RGL2: variants seen among roughly 807,000 people sequenced by gnomAD.
The protein encoded by RGL2 is ral guanine nucleotide dissociation stimulator-like 2.
In RGL2, 40 loss-of-function variants were observed where a neutral mutation model predicts 84.6. The ratio of observed to expected loss-of-function variants is 0.47; its 90% CI spans 0.37 to 0.62. RGL2 has a LOEUF of 0.62. Among genes scored for constraint, RGL2 ranks in the 20% least tolerant of loss-of-function variants. The probability of loss-of-function intolerance (pLI) is 0.00; values close to 1 mark genes in which losing one functional copy is unlikely to be tolerated. For missense variants in RGL2, 865 were observed against 1,019.7 expected (o/e 0.85, Z 2.07); for synonymous variants, 369 against 417.3 (o/e 0.88, Z 1.41).
Position 33,295,274 on chromosome 6 carries a change from C to A in RGL2, c.1124+45G>T. The A allele has an allele frequency of 2.6e-6, 4 of 1,561,936 alleles. No individual in the cohort carries two copies. Among genetic ancestry groups the A allele is most frequent in the Non-Finnish European group, 3.5e-6 (4 of 1,152,402 alleles). ...GGCTCTGTCACCCCCTCTTCCCCGC[C>A]TTCTGAGGAACCCCCACCCCAGTCC... is the stretch of plus-strand genomic sequence containing the variant. On this transcript the variant is annotated intron_variant, in intron 8 of 17. Transcript: ENST00000497454. The surrounding 1 kb of genome is among the most constrained non-coding windows in gnomAD (Gnocchi z 7.2).
Position 33,296,211 on chromosome 6 carries a change from T to C in RGL2, c.585A>G (p.Ala195=), listed in dbSNP as rs764757633. The change falls in exon 6 of 18, where the codon GCA becomes GCG. Residue 195 remains alanine (A), a synonymous_variant. Transcript: ENST00000497454. This position sits in a 1 kb window ranked among gnomAD's most constrained non-coding sequence, Gnocchi z 5.0. ...LESFLLQTGY[A]AGKGVGGGSA... ...TGCCCCCCCCAACACCCTTCCCTGCTGCATACCCTGTCTGAAGTAAGAAGC... is the reference window on the plus strand; with the variant it reads ...TGCCCCCCCCAACACCCTTCCCTGCCGCATACCCTGTCTGAAGTAAGAAGC... 3 of 1,613,936 alleles carry C rather than the reference T, an allele frequency of 1.9e-6. No individual in the cohort carries two copies. Among genetic ancestry groups the C allele is most frequent in the Admixed American group, 3.3e-5 (2 of 60,028 alleles).
At position 33,296,433 on chromosome 6, in the gene RGL2, C is replaced by T. The variant is rs1767965289; in HGVS notation, c.451G>A (p.Glu151Lys). Residue 151 changes from glutamate to lysine, a missense_variant, in exon 5 of 18, where the codon GAA becomes AAA. Glu to Lys is a moderately conservative substitution (Grantham distance 56). Around this residue, in one of 5 missense-constraint regions of RGL2, gnomAD observed 455 missense variants for 507.8 expected, o/e 0.90. Transcript: ENST00000497454. This position sits in a 1 kb window ranked among gnomAD's most constrained non-coding sequence, Gnocchi z 5.0. The part of the protein sequence containing the change: ...LEALESHPTD[E>K]LERTTEVAIS... ...ACTCACTCTGTTGTCCTCTCTAGTTCGTCGGTAGGATGAGATTCAAGGGCT... is the reference window on the plus strand; with the variant it reads ...ACTCACTCTGTTGTCCTCTCTAGTTTGTCGGTAGGATGAGATTCAAGGGCT... 3.1e-6 allele frequency: 5 copies of T among 1,611,042 alleles called. No individual in the cohort carries two copies. Among genetic ancestry groups the T allele is most frequent in the East Asian group, 2.2e-5 (1 of 44,882 alleles).
rs767142223 is a variant in RGL2, at chr6:33,295,999, G to T, written c.768+29C>A. 14 of 1,612,772 alleles carry T rather than the reference G, an allele frequency of 8.7e-6. No homozygotes were observed. Among genetic ancestry groups the T allele is most frequent in the Non-Finnish European group, 1.2e-5 (14 of 1,179,440 alleles). On this transcript the variant is annotated intron_variant, in intron 6 of 17. Transcript: ENST00000497454. This position sits in a 1 kb window ranked among gnomAD's most constrained non-coding sequence, Gnocchi z 7.2. ...AGGAGAGGTTAGTAAGGGGTCAGGGGGCATAGGGGCCAGAGGTCAGGGTCT... is the reference window on the plus strand; with the variant it reads ...AGGAGAGGTTAGTAAGGGGTCAGGGTGCATAGGGGCCAGAGGTCAGGGTCT...
Position 33,294,117 on chromosome 6 carries a change from A to G in RGL2, c.1354-51T>C, listed in dbSNP as rs1175323310. On this transcript the variant is annotated intron_variant, in intron 11 of 17. Coordinates refer to ENST00000497454, the MANE Select transcript of RGL2 (RefSeq NM_004761.5). This position sits in a 1 kb window ranked among gnomAD's most constrained non-coding sequence, Gnocchi z 5.0. ...AAAGTTCCAACCCTACCTTCCGGCC[A>G]CAGAGAGAGAATATCCCCTCTCTTA... is the stretch of plus-strand genomic sequence containing the variant. The G allele has an allele frequency of 3.2e-6, 5 of 1,583,268 alleles. No individual in the cohort carries two copies. In the South Asian group the frequency reaches 5.8e-5, roughly 18 times the overall value.
chr6:33,292,488 ATTGT>A lies in RGL2; in HGVS notation c.2060_2063del (p.Asn687IlefsTer22). On this transcript the variant is annotated frameshift_variant, in exon 17 of 18. Coordinates refer to ENST00000497454, the MANE Select transcript of RGL2 (RefSeq NM_004761.5). LOFTEE classifies it high-confidence loss of function. ...ACTCTGAAGCCACTGCAGAGTCACGATTGTTTTTCTTAAGGACACGACTGATGAC... is the reference window on the plus strand; with the variant it reads ...ACTCTGAAGCCACTGCAGAGTCACGATTTTCTTAAGGACACGACTGATGAC... The A allele has an allele frequency of 1.2e-6, 2 of 1,613,956 alleles. No individual in the cohort carries two copies. The highest frequency in any genetic ancestry group is 1.7e-6 in the Non-Finnish European group (2 of 1,179,982).
chr6:33,295,242 C>T lies in RGL2; in HGVS notation c.1125-31G>A, dbSNP rs368444555. ...GAAGGGAGAAAAGTGGCCCTGAGGA[C>T]AGGCCTGGCTCTGTCACCCCCTCTT... is the stretch of plus-strand genomic sequence containing the variant. On this transcript the variant is annotated intron_variant, in intron 8 of 17. Transcript: ENST00000497454. The surrounding 1 kb of genome is among the most constrained non-coding windows in gnomAD (Gnocchi z 7.2). 16 of 1,579,978 alleles carry T rather than the reference C, an allele frequency of 1.0e-5. No homozygotes were observed. The highest frequency in any genetic ancestry group is 1.4e-5 in the Non-Finnish European group (16 of 1,161,822).
rs1177032945 is a variant in RGL2, at chr6:33,295,250, G to C, written c.1125-39C>G. 29 of 1,573,640 alleles carry C rather than the reference G, an allele frequency of 1.8e-5. No homozygotes were observed. The highest frequency in any genetic ancestry group is 2.3e-5 in the Non-Finnish European group (27 of 1,158,410). On this transcript the variant is annotated intron_variant, in intron 8 of 17. Coordinates refer to ENST00000497454, the MANE Select transcript of RGL2 (RefSeq NM_004761.5). This position sits in a 1 kb window ranked among gnomAD's most constrained non-coding sequence, Gnocchi z 7.2. ...AAAAGTGGCCCTGAGGACAGGCCTG[G>C]CTCTGTCACCCCCTCTTCCCCGCCT...
rs774993679 is a variant in RGL2 at position 33,296,341 on chromosome 6, C to T, written c.471-16G>A. Reference sequence around the variant, plus strand: ...GATGGCTACCCTGGGAGAAGGGAATCAGCCAAGGGTGAGAGGTAAAGCTGC... The same window carrying T: ...GATGGCTACCCTGGGAGAAGGGAATTAGCCAAGGGTGAGAGGTAAAGCTGC... On this transcript the variant is annotated splice_polypyrimidine_tract_variant and intron_variant, in intron 5 of 17. Coordinates refer to ENST00000497454, the MANE Select transcript of RGL2 (RefSeq NM_004761.5). This position sits in a 1 kb window ranked among gnomAD's most constrained non-coding sequence, Gnocchi z 5.0. The T allele has an allele frequency of 1.2e-5, 20 of 1,607,020 alleles. No homozygotes were observed. The highest frequency in any genetic ancestry group is 1.7e-5 in the Non-Finnish European group (20 of 1,176,048).
rs766081188 is a variant in RGL2, at chr6:33,293,992, T to G, written c.1386+42A>C. On this transcript the variant is annotated intron_variant, in intron 12 of 17. Coordinates refer to ENST00000497454, the MANE Select transcript of RGL2 (RefSeq NM_004761.5). The surrounding 1 kb of genome is among the most constrained non-coding windows in gnomAD (Gnocchi z 7.0). The stretch of plus-strand genomic sequence containing the variant: ...TTTTCCCCCTCCCCTTCCTGGAACA[T>G]GGATAGGGAAGTCCAGCATCCAGCC... 8.9e-5 allele frequency: 144 copies of G among 1,613,718 alleles called. No individual in the cohort carries two copies. The Admixed American group carries it at 1.2e-3, about 13-fold the overall frequency.
chr6:33,299,939 T>G (rs1768421518), upstream of RGL2: 1 of 153,292 alleles, frequency 6.5e-6, no homozygotes, highest in African/African-American at 2.4e-5. The surrounding 1 kb of genome is among the most constrained non-coding windows in gnomAD (Gnocchi z 5.0). Flanking sequence ...GAGACAGGCA[T>G]TTAACGACGA....
chr6:33,295,965 C>G lies in RGL2; in HGVS notation c.768+63G>C, dbSNP rs1028736710. On this transcript the variant is annotated intron_variant, in intron 6 of 17. Coordinates refer to ENST00000497454, the MANE Select transcript of RGL2 (RefSeq NM_004761.5). This position sits in a 1 kb window ranked among gnomAD's most constrained non-coding sequence, Gnocchi z 7.2. ...GAAGGGGTGGAAGCAAGGAAAGGATCTGGAGTCAAGGAGAGGTTAGTAAGG... is the reference window on the plus strand; with the variant it reads ...GAAGGGGTGGAAGCAAGGAAAGGATGTGGAGTCAAGGAGAGGTTAGTAAGG... 8 of 1,583,058 alleles carry G rather than the reference C, an allele frequency of 5.1e-6. No homozygotes were observed. Among genetic ancestry groups the G allele is most frequent in the Admixed American group, 3.4e-5 (2 of 58,912 alleles).
Position 33,296,588 on chromosome 6 carries a change from T to TGACTCTGACCTGTCAGCCATAA in RGL2, c.407_419+9dup. 1 of 1,610,720 alleles carries TGACTCTGACCTGTCAGCCATAA rather than the reference T, an allele frequency of 6.2e-7. No individual in the cohort carries two copies. The highest frequency in any genetic ancestry group is 8.5e-7 in the Non-Finnish European group (1 of 1,178,282). On this transcript the variant is annotated intron_variant, in intron 4 of 17. Coordinates refer to ENST00000497454, the MANE Select transcript of RGL2 (RefSeq NM_004761.5). This position sits in a 1 kb window ranked among gnomAD's most constrained non-coding sequence, Gnocchi z 5.0. ...ATACTCCACTACCCTGCGTCCCTTA[T>TGACTCTGACCTGTCAGCCATAA]GACTCTGACCTGTCAGCCATAAGCC...
Position 33,296,077 on chromosome 6 carries a change from A to G in RGL2, c.719T>C (p.Leu240Pro). ...GDPPADPTDV[L>P]VFLADHLAEQ... ...GGCCAAGTGGTCAGCGAGGAACACCAGGACATCCGTGGGGTCAGCAGGGGG... is the reference window on the plus strand; with the variant it reads ...GGCCAAGTGGTCAGCGAGGAACACCGGGACATCCGTGGGGTCAGCAGGGGG... Residue 240 changes from leucine to proline, a missense_variant, in exon 6 of 18, where the codon CTG becomes CCG. Transcript: ENST00000497454. This position sits in a 1 kb window ranked among gnomAD's most constrained non-coding sequence, Gnocchi z 5.0. 6.2e-7 allele frequency: 1 copy of G among 1,613,936 alleles called. No individual in the cohort carries two copies. The highest frequency in any genetic ancestry group is 1.1e-5 in the South Asian group (1 of 91,070).
In RGL2 at chr6:33,294,023, ACTCCGCTCACCTTC is replaced by A; in HGVS notation, c.1383_1386+10del. ...GGGAAGTCCAGCATCCAGCCCAGAC[ACTCCGCTCACCTTC>A]CTCCGCTTGTCAAAATTGATGTATC... On this transcript the variant is annotated splice_donor_variant and splice_donor_5th_base_variant and coding_sequence_variant and intron_variant, in exon 12 of 18. Transcript: ENST00000497454. LOFTEE classifies it high-confidence loss of function. The surrounding 1 kb of genome is among the most constrained non-coding windows in gnomAD (Gnocchi z 5.0). 1 of 1,613,414 alleles carries A rather than the reference ACTCCGCTCACCTTC, an allele frequency of 6.2e-7. No homozygotes were observed. The highest frequency in any genetic ancestry group is 8.5e-7 in the Non-Finnish European group (1 of 1,179,828).
rs747575989 is a variant in RGL2, at chr6:33,293,438, G to A, written c.1691C>T (p.Ala564Val). 1.9e-5 allele frequency: 30 copies of A among 1,613,976 alleles called. No individual in the cohort carries two copies. The Admixed American group carries it at 5.0e-4, about 27-fold the overall frequency. Residue 564 changes from alanine (A) to valine (V), a missense_variant, in exon 15 of 18, where the codon GCT (alanine) becomes GTT (valine). Physicochemically the swap from Ala to Val is moderately conservative, Grantham distance 64. Around this residue, in one of 5 missense-constraint regions of RGL2, gnomAD observed 302 missense variants for 327.9 expected, o/e 0.92. Coordinates refer to ENST00000497454, the MANE Select transcript of RGL2 (RefSeq NM_004761.5). This position sits in a 1 kb window ranked among gnomAD's most constrained non-coding sequence, Gnocchi z 7.0. ...TGGDEAPTTP[A>V]PLLTRLAQHM... ...CTGGGCCAGCCGAGTCAGCAGAGGA[G>A]CAGGAGTTGTAGGCGCCTCATCTCC... is the stretch of plus-strand genomic sequence containing the variant.
In RGL2 at chr6:33,293,573, G is replaced by A. The variant is rs1767645065; in HGVS notation, c.1604+31C>T. ...GATCAGAGAAAAGTGGAAGTCCCAA[G>A]AAACCACCCCCCAGCCAGTGAATCT... On this transcript the variant is annotated intron_variant, in intron 14 of 17. Coordinates refer to ENST00000497454, the MANE Select transcript of RGL2 (RefSeq NM_004761.5). The surrounding 1 kb of genome is among the most constrained non-coding windows in gnomAD (Gnocchi z 7.0). The A allele has an allele frequency of 1.2e-6, 2 of 1,612,776 alleles. No homozygotes were observed. Among genetic ancestry groups the A allele is most frequent in the Admixed American group, 1.7e-5 (1 of 59,874 alleles).
At position 33,294,636 on chromosome 6, in the gene RGL2, C is replaced by T; in HGVS notation, c.1353+52G>A. Reference sequence around the variant, plus strand: ...CAAGGGGCGGGGGGGTCTGTCCGACCCTGCAGCCCACTTGTTACATCATTG... The same window carrying T: ...CAAGGGGCGGGGGGGTCTGTCCGACTCTGCAGCCCACTTGTTACATCATTG... On this transcript the variant is annotated intron_variant, in intron 11 of 17. Coordinates refer to ENST00000497454, the MANE Select transcript of RGL2 (RefSeq NM_004761.5). The surrounding 1 kb of genome is among the most constrained non-coding windows in gnomAD (Gnocchi z 5.0). 7 of 1,603,384 alleles carry T rather than the reference C, an allele frequency of 4.4e-6. No individual in the cohort carries two copies. In the South Asian group the frequency reaches 4.4e-5, roughly 10 times the overall value.
At position 33,298,842 on chromosome 6, in the gene RGL2, G is replaced by A. The variant is rs1377044018; in HGVS notation, c.-42+28C>T. On this transcript the variant is annotated intron_variant, in intron 1 of 17. Transcript: ENST00000497454. This position sits in a 1 kb window ranked among gnomAD's most constrained non-coding sequence, Gnocchi z 4.8. ...GGGGAAGGAGGAGGTCACGAGTACGGGGACGCGCAGGGTGCTCAGGCTCTG... is the reference window on the plus strand; with the variant it reads ...GGGGAAGGAGGAGGTCACGAGTACGAGGACGCGCAGGGTGCTCAGGCTCTG... 3 of 423,638 alleles carry A rather than the reference G, an allele frequency of 7.1e-6. No individual in the cohort carries two copies. Among genetic ancestry groups the A allele is most frequent in the Non-Finnish European group, 1.3e-5 (3 of 238,752 alleles). The allele number at this position is 423,638 out of a possible 1,614,324, so 26.2% of individuals were successfully genotyped here. A position where few individuals can be genotyped will look rare whatever the true frequency, so the allele number is the denominator to read the frequency against.
At chr6:33,292,569 G>C (rs1052250726) in intron 16 of RGL2, 25 bp from the exon 17 acceptor site, 6 of 1,563,980 alleles carry the variant, frequency 3.8e-6, no homozygotes, top group Non-Finnish European at 3.5e-6. Context: ...GACCAAAAGA[G>C]CAATCAATCA....
Sources: gnomAD v4.1 joint callset for allele counts on GRCh38, gnomAD v4.1.1 for gene constraint, gnomAD v4.1.1 regional missense constraint, Gnocchi (gnomAD v3.1) non-coding constraint, MANE v1.5 for transcripts, NCBI Gene and HGNC (gene_info 2026-07-23, HGNC 2026-07-21) for gene names.